The following ZFHX3 variants were observed in gnomAD, a reference collection of about 807,000 sequenced individuals.
ZFHX3 encodes the protein zinc finger homeobox protein 3.
ZFHX3 carries 42 observed loss-of-function variants against 279.1 expected under a neutral mutation model. The ratio of observed to expected loss-of-function variants is 0.15; its 90% CI spans 0.12 to 0.19. ZFHX3 has a LOEUF of 0.19. ZFHX3 is among the 10% of genes least tolerant of loss of function. ZFHX3 has a pLI of 1.00. For synonymous variants in ZFHX3, 2,293 were observed against 1,957.8 expected, an observed-to-expected ratio of 1.17 and a Z score of -4.52; for missense variants, 4,981 against 4,754.0, an observed-to-expected ratio of 1.05 and a Z score of -1.40.
At chr16:72,851,140 G>A (rs369312472) in intron 4 of ZFHX3, among the ~76,000 whole-genome samples, 1 of 152,118 alleles carries the variant, frequency 6.6e-6, no homozygotes, top group Non-Finnish European at 1.5e-5. Flanking sequence ...TTCACAGTAC[G>A]GAGGAGAGGA....
At chr16:73,625,081 G>T (rs1156401370) in intron 2 of ZFHX3, among the ~76,000 whole-genome samples, 1 of 152,180 alleles carries the variant, frequency 6.6e-6, no homozygotes, top group East Asian at 1.9e-4. Context: ...AGGTGTCTGA[G>T]AAAAATGTCT....
At chr16:73,328,739 G>A (rs1306859356) in intron 3 of ZFHX3, among the ~76,000 whole-genome samples, 2 of 152,222 alleles carry the variant, frequency 1.3e-5, no homozygotes, top group African/African-American at 2.4e-5. Context: ...TAAGTGCTCA[G>A]AAGGATAAAA....
Position 72,958,723 on chromosome 16 carries a change from C to T in ZFHX3, c.1423G>A (p.Glu475Lys), listed in dbSNP as rs745738177. 10 of 1,613,498 alleles carry T rather than the reference C, an allele frequency of 6.2e-6. No individual in the cohort carries two copies. The African/African-American group carries it at 1.1e-4, about 17-fold the overall frequency. The change falls in exon 2 of 10, where the codon GAG becomes AAG. Residue 475 changes from glutamate to lysine, a missense_variant. Physicochemically the swap from Glu to Lys is moderately conservative, Grantham distance 56 (BLOSUM62 1). Transcript: ENST00000268489. ...TCTTCCTCCTCCTCTTCTTCCTCCT[C>T]CTCCTCCGCCTCTTCCTCCTCCTCT... is the stretch of plus-strand genomic sequence containing the variant. ...EEEEEEEAEE[E>K]EEEEEEEEEE...
intron 1 of ZFHX3, among the ~76,000 whole-genome samples, chr16:73,046,865 G>C (rs1444428339): frequency 6.8e-6 from 1 of 146,254 alleles, no homozygotes; most frequent in South Asian, 2.3e-4. Flanking sequence ...AGTGGCTTTA[G>C]GGAGTCTTCA....
At chr16:73,452,283 A>G (rs1305860399) in intron 3 of ZFHX3, among the ~76,000 whole-genome samples, 2 of 152,212 alleles carry the variant, frequency 1.3e-5, no homozygotes, top group Non-Finnish European at 2.9e-5. Flanking sequence ...AAAAATAGAG[A>G]TGAAACAGAT....
intron 2 of ZFHX3, among the ~76,000 whole-genome samples, chr16:73,466,721 A>T (rs750128682): frequency 6.6e-6 from 1 of 152,182 alleles, no homozygotes; most frequent in Non-Finnish European, 1.5e-5. Flanking sequence ...GTGTTCATCA[A>T]ACTAACCCCA....
chr16:73,792,989 C>T (rs753870273), intron 1 of ZFHX3, among the ~76,000 whole-genome samples: 1 of 151,966 alleles, frequency 6.6e-6, no homozygotes, highest in Non-Finnish European at 1.5e-5. Context: ...CTGACACAAG[C>T]GGCATTATCT....
intron 2 of ZFHX3, among the ~76,000 whole-genome samples, chr16:73,539,400 T>A (rs2019969290): frequency 6.7e-6 from 1 of 149,800 alleles, no homozygotes; most frequent in African/African-American, 2.4e-5. Context: ...CTGCTTCTTC[T>A]CTTTTTTTAA....
intron 1 of ZFHX3, among the ~76,000 whole-genome samples, chr16:72,962,175 C>T (rs1295728460): frequency 6.6e-6 from 1 of 152,212 alleles, no homozygotes; most frequent in East Asian, 1.9e-4. Flanking sequence ...TAAAGCAGAA[C>T]AGCTTTGATG....
chr16:73,343,125 T>G (rs948154936), intron 3 of ZFHX3, among the ~76,000 whole-genome samples: 1 of 152,194 alleles, frequency 6.6e-6, no homozygotes, highest in Non-Finnish European at 1.5e-5. Context: ...GAAGACATGT[T>G]TTTTTCTTTT....
chr16:73,433,174 A>C lies in ZFHX3; in HGVS notation c.-1291+22829T>G, dbSNP rs532997925. On this transcript the variant is annotated intron_variant, in intron 3 of 17. Coordinates refer to the ZFHX3 transcript ENST00000641206. ...TCTAGGCAGGTCGGGGCCTGCTGCCATGGAGCTGCCACTGAGTATTACTAT... is the reference window on the plus strand; with the variant it reads ...TCTAGGCAGGTCGGGGCCTGCTGCCCTGGAGCTGCCACTGAGTATTACTAT... 4.9e-4 allele frequency among the ~76,000 whole-genome samples: 75 copies of C among 152,328 alleles called. No individual in the cohort carries two copies. In the South Asian group the frequency reaches 0.012, roughly 24 times the overall value.
Position 72,849,242 on chromosome 16 carries a change from G to A in ZFHX3, c.3449-19383C>T, listed in dbSNP as rs1567546577. ...CCGGGAACTCAGTCATTCCATTTACGCCCCTAACAGCCCCTGAGAGACTTG... is the reference window on the plus strand; with the variant it reads ...CCGGGAACTCAGTCATTCCATTTACACCCCTAACAGCCCCTGAGAGACTTG... On this transcript the variant is annotated intron_variant, in intron 4 of 9. Transcript: ENST00000268489. Among the ~76,000 whole-genome samples, 4 of 152,074 alleles carry A rather than the reference G, an allele frequency of 2.6e-5. No homozygotes were observed. In the South Asian group the frequency reaches 8.3e-4, roughly 32 times the overall value.
In ZFHX3 at chr16:72,797,518, T is replaced by C. The variant is rs1597243183; in HGVS notation, c.5164A>G (p.Arg1722Gly). 1 of 1,613,908 alleles carries C rather than the reference T, an allele frequency of 6.2e-7. No individual in the cohort carries two copies. The highest frequency in any genetic ancestry group is 1.3e-5 in the African/African-American group (1 of 75,034). ...TGCTGCTGCTGTTGTTGCTGCTGCC[T>C]GGATGCAATCATATCTGCCAGTTTC... Reference protein sequence around the residue: ...RKKLADMIASRQQQQQQQQQQ... With the variant: ...RKKLADMIASGQQQQQQQQQQ... The change falls in exon 9 of 10, where the codon AGG (arginine) becomes GGG (glycine). Residue 1722 changes from arginine to glycine, a missense_variant. This residue lies in a region of ZFHX3 where 1,751 missense variants were observed against 1,770.0 expected (regional missense o/e 0.99). Transcript: ENST00000268489.
chr16:73,885,567 G>A (rs989726421), intron 1 of ZFHX3, among the ~76,000 whole-genome samples: 1 of 151,976 alleles, frequency 6.6e-6, no homozygotes, highest in African/African-American at 2.4e-5. Flanking sequence ...ATTTTTCCGT[G>A]GATCAGCCTC....
At chr16:73,083,872 C>T (rs573323400) in intron 8 of ZFHX3, among the ~76,000 whole-genome samples, 1 of 152,238 alleles carries the variant, frequency 6.6e-6, no homozygotes, top group East Asian at 1.9e-4. Context: ...TCCACAGATA[C>T]CCCAGAACAT....
At chr16:73,842,590 A>C (rs1225839353) in intron 1 of ZFHX3, among the ~76,000 whole-genome samples, 1 of 152,166 alleles carries the variant, frequency 6.6e-6, no homozygotes, top group Non-Finnish European at 1.5e-5. Context: ...GATGATGGCC[A>C]TAAGTATGTG....
At chr16:73,820,630 G>C (rs918629119) in intron 1 of ZFHX3, among the ~76,000 whole-genome samples, 2 of 151,952 alleles carry the variant, frequency 1.3e-5, no homozygotes, top group Non-Finnish European at 2.9e-5. Context: ...GTAACCCCCT[G>C]TGAGACTCCA....
chr16:73,611,293 AG>A (rs2052243521), intron 2 of ZFHX3, among the ~76,000 whole-genome samples: 1 of 152,124 alleles, frequency 6.6e-6, no homozygotes, highest in African/African-American at 2.4e-5. Flanking sequence ...GTGGGGGAGA[AG>A]GGGGTCACTG....
chr16:73,051,386 G>A (rs1221636468), upstream of ZFHX3, among the ~76,000 whole-genome samples: 3 of 152,104 alleles, frequency 2.0e-5, no homozygotes, highest in Admixed American at 6.5e-5. Flanking sequence ...CTGGGTGGCC[G>A]AGCCCTCCTG....
Sources: allele counts gnomAD v4.1 joint callset (sites outside exome capture counted in the v4.1 genomes callset), GRCh38; gene constraint gnomAD v4.1.1; regional missense constraint gnomAD v4.1.1; transcripts MANE v1.5; gene names NCBI Gene and HGNC (gene_info 2026-07-23, HGNC 2026-07-21).